The following CHD5 variants were observed in gnomAD, a reference collection of about 807,000 sequenced individuals.
CHD5 encodes ATP-dependent chromatin remodeler CHD5.
CHD5 carries 69 observed loss-of-function variants against 230.3 expected under a neutral mutation model. That is an observed-to-expected ratio of 0.30 (90% CI 0.25 to 0.37). CHD5 has a LOEUF of 0.37. Ranked by LOEUF, CHD5 falls within the 10% of genes least tolerant of loss-of-function variation. The pLI is 1.00. For synonymous variants in CHD5, 1,064 were observed against 1,065.9 expected (o/e 1.00, Z 0.03); for missense variants, 1,827 against 2,622.8 (o/e 0.70, Z 6.63).
rs932500234 is a variant in CHD5 at position 6,102,861 on chromosome 1, C to T, written c.*2613G>A. 1.3e-5 allele frequency: 2 copies of T among 152,382 alleles called. No homozygotes were observed. Among genetic ancestry groups the T allele is most frequent in the African/African-American group, 2.4e-5 (1 of 41,440 alleles). The allele number at this position is 152,382 out of a possible 1,614,324, so 9.4% of individuals were successfully genotyped here. On this transcript the variant is annotated 3_prime_UTR_variant, in exon 42 of 42. Coordinates refer to ENST00000262450, the MANE Select transcript of CHD5 (RefSeq NM_015557.3). ...GGCGTGTATGAGAGGGCCCTGCAGA[C>T]GTGCTCACTCCACCCCGAGTCACCT...
intron 1 of CHD5, among the ~76,000 whole-genome samples, chr1:6,172,602 G>C (rs1667355858): frequency 6.7e-6 from 1 of 148,274 alleles, no homozygotes; most frequent in South Asian, 2.1e-4. Flanking sequence ...GCCACTGTTT[G>C]AACACAGGCA....
intron 33 of CHD5, among the ~76,000 whole-genome samples, chr1:6,119,859 T>TAC (rs1276947958): frequency 8.0e-6 from 1 of 124,976 alleles, no homozygotes. Flanking sequence ...ATTATATATA[T>TAC]ATATATTTTT....
chr1:6,103,062 G>T lies in CHD5; in HGVS notation c.*2412C>A, dbSNP rs1666099446. ...CAGCAAAAACCAAACCCAGCCCAAA[G>T]ACGCCAAACATACGGACACCACCAT... On this transcript the variant is annotated 3_prime_UTR_variant, in exon 42 of 42. Coordinates refer to ENST00000262450, the MANE Select transcript of CHD5 (RefSeq NM_015557.3). 6.6e-6 allele frequency: 1 copy of T among 152,462 alleles called. No individual in the cohort carries two copies. Among genetic ancestry groups the T allele is most frequent in the Non-Finnish European group, 1.5e-5 (1 of 68,056 alleles). The allele number at this position is 152,462 out of a possible 1,614,324, so 9.4% of individuals were successfully genotyped here.
At chr1:6,153,994 G>A (rs1667044102) in intron 5 of CHD5, among the ~76,000 whole-genome samples, 1 of 152,062 alleles carries the variant, frequency 6.6e-6, no homozygotes, top group Admixed American at 6.6e-5. Flanking sequence ...GGCCTCTGCT[G>A]CCTGCATCCT....
chr1:6,156,789 G>T (rs190356301), intron 3 of CHD5, among the ~76,000 whole-genome samples: 1 of 152,114 alleles, frequency 6.6e-6, no homozygotes, highest in Non-Finnish European at 1.5e-5. Context: ...GGCCTGGGGT[G>T]GGGGGACATC....
At chr1:6,143,980 G>A in intron 12 of CHD5, 44 bp downstream of exon 12, 1 of 1,614,088 alleles carries the variant, frequency 6.2e-7, no homozygotes, top group Non-Finnish European at 8.5e-7. Flanking sequence ...CCCAGGAGCA[G>A]GTCCCGGCAG....
chr1:6,152,351 C>T, intron 6 of CHD5, 61 bp downstream of exon 6: 1 of 1,559,712 alleles, frequency 6.4e-7, no homozygotes, highest in Non-Finnish European at 8.7e-7. Flanking sequence ...CCCTTGCGTG[C>T]TCATGTGCAG....
chr1:6,131,725 C>A lies in CHD5; in HGVS notation c.3168G>T (p.Leu1056=), dbSNP rs1167929107. Residue 1056 remains leucine, a synonymous_variant, in exon 21 of 42, where the codon CTG becomes CTT. Transcript: ENST00000262450. The surrounding 1 kb of genome is among the most constrained non-coding windows in gnomAD (Gnocchi z 5.0). ...FSQMTKMLDL[L]EDFLEYEGYK... is the part of the protein sequence containing the mutation. ...AGCCTTCGTACTCCAGGAAGTCCTCCAGGAGGTCCAGCATCTTGGTCATCT... is the reference window on the plus strand; with the variant it reads ...AGCCTTCGTACTCCAGGAAGTCCTCAAGGAGGTCCAGCATCTTGGTCATCT... 1.2e-6 allele frequency: 2 copies of A among 1,612,850 alleles called. No homozygotes were observed. Among genetic ancestry groups the A allele is most frequent in the Non-Finnish European group, 1.7e-6 (2 of 1,179,088 alleles).
At chr1:6,108,115 G>A (rs767494049) in intron 38 of CHD5, among the ~76,000 whole-genome samples, 17 of 142,124 alleles carry the variant, frequency 1.2e-4, no homozygotes, top group Non-Finnish European at 1.4e-4. Context: ...TGGAGACATG[G>A]AGGCATAGAG....
intron 15 of CHD5, among the ~76,000 whole-genome samples, chr1:6,139,528 T>C (rs986520303): frequency 8.7e-5 from 13 of 149,842 alleles, no homozygotes; most frequent in African/African-American, 2.9e-4. Context: ...TGAGCCACCG[T>C]GCCCGGCTGA....
At chr1:6,175,003 T>C (rs1667401597) in intron 1 of CHD5, among the ~76,000 whole-genome samples, 1 of 146,382 alleles carries the variant, frequency 6.8e-6, no homozygotes, top group Non-Finnish European at 1.5e-5. Context: ...GGATGGCAGA[T>C]GGATGGCTGA....
chr1:6,132,136 T>G (rs990449866), intron 20 of CHD5, among the ~76,000 whole-genome samples: 2 of 152,166 alleles, frequency 1.3e-5, no homozygotes, highest in African/African-American at 4.8e-5. Context: ...CCTTACTGCC[T>G]AGGGAACATA....
At chr1:6,113,264 A>T in intron 33 of CHD5, 1 of 452,644 alleles carries the variant, frequency 2.2e-6, no homozygotes. Flanking sequence ...CTCTACAAAA[A>T]ATACAACAAC....
chr1:6,123,567 C>T (rs1240345340), intron 31 of CHD5, among the ~76,000 whole-genome samples: 1 of 152,110 alleles, frequency 6.6e-6, no homozygotes, highest in African/African-American at 2.4e-5. Flanking sequence ...GCCGGGATTA[C>T]AGGCACGTGC....
In CHD5 at chr1:6,146,186, C is replaced by G; in HGVS notation, c.1802+26G>C. ...GACGTGGCCCGGCCCCAGCGATGGG[C>G]AGGGTGGCCGCCTGCAGGCACACAC... is the stretch of plus-strand genomic sequence containing the variant. On this transcript the variant is annotated intron_variant, in intron 11 of 41. Transcript: ENST00000262450. The surrounding 1 kb of genome is among the most constrained non-coding windows in gnomAD (Gnocchi z 5.1). 6.2e-7 allele frequency: 1 copy of G among 1,608,156 alleles called. No homozygotes were observed. Among genetic ancestry groups the G allele is most frequent in the Non-Finnish European group, 8.5e-7 (1 of 1,175,560 alleles).
intron 1 of CHD5, among the ~76,000 whole-genome samples, chr1:6,179,039 T>A (rs1396405585): frequency 6.6e-6 from 1 of 152,232 alleles, no homozygotes; most frequent in Non-Finnish European, 1.5e-5. Context: ...CCTACCCAGC[T>A]GTGCCAGGAG....
At position 6,155,780 on chromosome 1, in the gene CHD5, C is replaced by T. The variant is rs1667071312; in HGVS notation, c.388-63G>A. The T allele has an allele frequency of 1.5e-6, 2 of 1,312,844 alleles. No homozygotes were observed. 81.3% of individuals were successfully genotyped at this position (1,312,844 alleles called of 1,614,324 possible). A position where few individuals can be genotyped will look rare whatever the true frequency, so the allele number is the denominator to read the frequency against. ...GCCTTCTGACCTGCACCCCCATCCCCAGGGTCTCTGCCTAGGAGGCTTTGG... is the reference window on the plus strand; with the variant it reads ...GCCTTCTGACCTGCACCCCCATCCCTAGGGTCTCTGCCTAGGAGGCTTTGG... On this transcript the variant is annotated intron_variant, in intron 3 of 41. Coordinates refer to ENST00000262450, the MANE Select transcript of CHD5 (RefSeq NM_015557.3). This position sits in a 1 kb window ranked among gnomAD's most constrained non-coding sequence, Gnocchi z 4.0.
At chr1:6,170,551 CCT>C (rs1242521433) in intron 1 of CHD5, among the ~76,000 whole-genome samples, 1 of 152,130 alleles carries the variant, frequency 6.6e-6, no homozygotes, top group Non-Finnish European at 1.5e-5. Context: ...TGTCTTGGTG[CCT>C]CTCTGCACCA....
intron 2 of CHD5, among the ~76,000 whole-genome samples, chr1:6,166,747 C>T (rs1001706942): frequency 1.3e-5 from 2 of 152,096 alleles, no homozygotes; most frequent in Non-Finnish European, 2.9e-5. Context: ...GGCCCAGAGG[C>T]GAAGGCAGGG....
Sources: allele counts gnomAD v4.1 joint callset (sites outside exome capture counted in the v4.1 genomes callset), GRCh38; gene constraint gnomAD v4.1.1; non-coding constraint Gnocchi (gnomAD v3.1); transcripts MANE v1.5; gene names NCBI Gene and HGNC (gene_info 2026-07-23, HGNC 2026-07-21).